The following CNTN4 variants were observed in gnomAD, a reference collection of about 807,000 sequenced individuals.
The protein encoded by CNTN4 is contactin-4.
A neutral mutation model predicts 122.5 loss-of-function variants in CNTN4; 77 were observed. The ratio of observed to expected loss-of-function variants is 0.63; its 90% CI spans 0.52 to 0.76. CNTN4 has a LOEUF of 0.76. CNTN4 is among the 30% of genes least tolerant of loss of function. The pLI is 0.00. For synonymous variants in CNTN4, 512 were observed against 447.0 expected (o/e 1.15, Z -1.83); for missense variants, 1,256 against 1,259.1 (o/e 1.00, Z 0.04).
At chr3:2,910,180 G>A (rs1239233011) in intron 12 of CNTN4, among the ~76,000 whole-genome samples, 1 of 152,190 alleles carries the variant, frequency 6.6e-6, no homozygotes, top group Non-Finnish European at 1.5e-5. Flanking sequence ...GGTAGTTAAA[G>A]CCAACTGAGG....
chr3:2,882,547 C>T (rs1333980649), intron 8 of CNTN4, among the ~76,000 whole-genome samples: 1 of 152,080 alleles, frequency 6.6e-6, no homozygotes, highest in Non-Finnish European at 1.5e-5. Context: ...GTAGGTGTAA[C>T]TTAAATGTTT....
At chr3:2,276,923 G>T (rs761616630) in intron 2 of CNTN4, among the ~76,000 whole-genome samples, 2 of 151,974 alleles carry the variant, frequency 1.3e-5, no homozygotes, top group African/African-American at 2.4e-5. Flanking sequence ...CAAGGGTTTG[G>T]TCTACAAATA....
chr3:2,834,409 T>A (rs946036731), intron 7 of CNTN4, among the ~76,000 whole-genome samples: 10 of 151,728 alleles, frequency 6.6e-5, no homozygotes, highest in Non-Finnish European at 1.2e-4. Flanking sequence ...TACTAAAGAT[T>A]TAAAAAGTTA....
chr3:2,299,841 A>C (rs769746058), intron 2 of CNTN4, among the ~76,000 whole-genome samples: 78 of 152,324 alleles, frequency 5.1e-4, no homozygotes, highest in Non-Finnish European at 9.1e-4. Flanking sequence ...ATAATTATTT[A>C]TCTAAAACAT....
chr3:2,640,338 C>T (rs1201053420), intron 4 of CNTN4, among the ~76,000 whole-genome samples: 6 of 152,116 alleles, frequency 3.9e-5, no homozygotes, highest in South Asian at 2.1e-4. Flanking sequence ...TTTCTTTATT[C>T]AGAGATTTTG....
At chr3:2,596,521 C>G (rs1480733014) in intron 4 of CNTN4, among the ~76,000 whole-genome samples, 2 of 152,056 alleles carry the variant, frequency 1.3e-5, no homozygotes, top group Admixed American at 1.3e-4. Flanking sequence ...TATATATTTA[C>G]ACATCTATAA....
At chr3:3,026,664 G>A (rs1574859354) in intron 15 of CNTN4, among the ~76,000 whole-genome samples, 1 of 152,116 alleles carries the variant, frequency 6.6e-6, no homozygotes, top group African/African-American at 2.4e-5. Context: ...ATAGCTTAAG[G>A]ATAGTTTCCT....
At chr3:2,334,679 A>T (rs1575401183) in intron 2 of CNTN4, among the ~76,000 whole-genome samples, 1 of 152,184 alleles carries the variant, frequency 6.6e-6, no homozygotes, top group Non-Finnish European at 1.5e-5. Flanking sequence ...GGAGACTTGT[A>T]ATCAATGGTG....
chr3:2,598,901 A>G (rs1016423272), intron 4 of CNTN4, among the ~76,000 whole-genome samples: 3 of 152,050 alleles, frequency 2.0e-5, no homozygotes, highest in Non-Finnish European at 4.4e-5. Flanking sequence ...AACTTTTCCT[A>G]TTTAAAGGGC....
At chr3:2,565,073 T>C (rs909089665) in intron 3 of CNTN4, among the ~76,000 whole-genome samples, 2 of 152,126 alleles carry the variant, frequency 1.3e-5, no homozygotes, top group Admixed American at 6.5e-5. Context: ...AGGTCCTCTT[T>C]AATGTGGTAT....
intron 2 of CNTN4, among the ~76,000 whole-genome samples, chr3:2,211,809 A>G (rs971028276): frequency 6.6e-6 from 1 of 152,210 alleles, no homozygotes; most frequent in Non-Finnish European, 1.5e-5. Flanking sequence ...GCATTTACCA[A>G]GTATTCTGTA....
chr3:2,950,618 A>C (rs971298497), intron 13 of CNTN4, among the ~76,000 whole-genome samples: 9 of 152,342 alleles, frequency 5.9e-5, no homozygotes, highest in East Asian at 1.9e-4. Context: ...GTCTTGCATA[A>C]GCTGAGAAAG....
intron 4 of CNTN4, among the ~76,000 whole-genome samples, chr3:2,707,138 G>GA (rs1011135649): frequency 6.6e-6 from 1 of 151,124 alleles, no homozygotes; most frequent in East Asian, 1.9e-4. Context: ...CATCTCTATA[G>GA]AAAAAAAATA....
At chr3:2,435,473 C>T (rs774981897) in intron 3 of CNTN4, among the ~76,000 whole-genome samples, 2 of 152,208 alleles carry the variant, frequency 1.3e-5, no homozygotes, top group Non-Finnish European at 2.9e-5. Context: ...AACCATCCAA[C>T]TTTTTCCAAA....
intron 13 of CNTN4, among the ~76,000 whole-genome samples, chr3:2,940,292 G>A (rs950902088): frequency 2.6e-5 from 4 of 152,194 alleles, no homozygotes; most frequent in Non-Finnish European, 5.9e-5. Flanking sequence ...AATGGACAGT[G>A]GTCAACAATG....
chr3:2,157,968 C>G (rs59167672), intron 2 of CNTN4, among the ~76,000 whole-genome samples: 14,666 of 152,178 alleles, frequency 0.096, 1,201 homozygotes, highest in East Asian at 0.32. Flanking sequence ...TTAGGAAGGA[C>G]AATTGCATTT....
At chr3:2,519,143 C>T (rs2077125102) in intron 3 of CNTN4, among the ~76,000 whole-genome samples, 1 of 152,126 alleles carries the variant, frequency 6.6e-6, no homozygotes, top group South Asian at 2.1e-4. Context: ...CCTGATGTGA[C>T]AATGAAAAGG....
At chr3:2,816,894 A>C (rs1430942735) in intron 6 of CNTN4, among the ~76,000 whole-genome samples, 1 of 151,934 alleles carries the variant, frequency 6.6e-6, no homozygotes, top group East Asian at 1.9e-4. Context: ...CTGAAGGAAA[A>C]AAATTTAATA....
At chr3:2,407,424 A>G (rs1034396532) in intron 3 of CNTN4, among the ~76,000 whole-genome samples, 1 of 151,974 alleles carries the variant, frequency 6.6e-6, no homozygotes, top group African/African-American at 2.4e-5. Flanking sequence ...TTTATGAACC[A>G]CTTTGTCTAT....
Sources: gnomAD v4.1 joint callset for allele counts (sites outside exome capture counted in the v4.1 genomes callset) on GRCh38, gnomAD v4.1.1 for gene constraint, MANE v1.5 for transcripts, NCBI Gene and HGNC (gene_info 2026-07-23, HGNC 2026-07-21) for gene names.